Variants in MSR1 observed in about 807,000 individuals in gnomAD.
The protein encoded by MSR1 is macrophage scavenger receptor 1, also known as macrophage scavenger receptor types I and II.
Under a neutral mutation model 47.2 loss-of-function variants are expected in MSR1, and 53 were observed. The ratio of observed to expected loss-of-function variants is 1.12; its 90% CI spans 0.90 to 1.41. The LOEUF (loss-of-function observed/expected upper bound fraction) is 1.41, where lower values mean the gene tolerates loss of function less well. Among genes scored for constraint, MSR1 ranks in the 40% most tolerant of loss-of-function variants. MSR1 has a pLI of 0.00. For missense variants in MSR1, 786 were observed against 546.9 expected, an observed-to-expected ratio of 1.44 and a Z score of -4.36; for synonymous variants, 239 against 185.6, an observed-to-expected ratio of 1.29 and a Z score of -2.34.
chr8:16,111,490 T>C (rs1041795346), intron 9 of MSR1, among the ~76,000 whole-genome samples: 1 of 152,150 alleles, frequency 6.6e-6, no homozygotes, highest in African/African-American at 2.4e-5. Context: ...GTGCAGAATT[T>C]GTACAATCCA....
intron 8 of MSR1, among the ~76,000 whole-genome samples, chr8:16,129,843 G>A (rs941035650): frequency 2.6e-5 from 4 of 152,130 alleles, no homozygotes; most frequent in African/African-American, 7.2e-5. Flanking sequence ...GCCCATACAA[G>A]TCCAGTGCTT....
Position 16,141,912 on chromosome 8 carries a change from A to C in MSR1, c.1033+1646T>G, listed in dbSNP as rs1350831550. Among the ~76,000 whole-genome samples, 3 of 152,224 alleles carry C rather than the reference A, an allele frequency of 2.0e-5. No individual in the cohort carries two copies. The East Asian group carries it at 5.8e-4, about 29-fold the overall frequency. On this transcript the variant is annotated intron_variant, in intron 8 of 9. Transcript: ENST00000262101. The stretch of plus-strand genomic sequence containing the variant: ...AGCCTCAGGAAAAGGAGATAAAAAC[A>C]AAAGATAAAATAAAGGCAGAGATAA...
At chr8:16,165,371 G>A (rs1585177902) in intron 4 of MSR1, among the ~76,000 whole-genome samples, 1 of 152,052 alleles carries the variant, frequency 6.6e-6, no homozygotes, top group Non-Finnish European at 1.5e-5. Flanking sequence ...AAATTATAGT[G>A]AGGTTAAAGT....
intron 8 of MSR1, among the ~76,000 whole-genome samples, chr8:16,143,191 T>C (rs1464866502): frequency 1.3e-5 from 2 of 152,170 alleles, no homozygotes; most frequent in East Asian, 1.9e-4. Flanking sequence ...GTCCAAATTC[T>C]TATATTTAAG....
rs33988608 is a variant in MSR1 at position 16,143,548 on chromosome 8, A to G, written c.1033+10T>C. The G allele has an allele frequency of 1.8e-3, 2,852 of 1,609,550 alleles. 46 individuals carry two copies. In the African/African-American group the frequency reaches 0.031, roughly 18 times the overall value. ...GAATTCACACAGAAAACAAAATACT[A>G]TATACTTACTTAATGTGTTTCCACT... On this transcript the variant is annotated intron_variant, in intron 8 of 9. Transcript: ENST00000262101.
chr8:16,143,504 A>G, intron 8 of MSR1, 54 bp downstream of exon 8: 2 of 1,514,956 alleles, frequency 1.3e-6, no homozygotes, highest in Non-Finnish European at 1.8e-6. Context: ...CTCTAGTATC[A>G]CAGACTTACT....
Position 16,128,502 on chromosome 8 carries a change from C to T in MSR1, c.1034-7896G>A, listed in dbSNP as rs191478973. ...GAAGCCTCAGGAGAAGCCAATCCTG[C>T]CCCCAGCTTGATCATGGGCTTTTAA... On this transcript the variant is annotated intron_variant, in intron 8 of 9. Transcript: ENST00000262101. Among the ~76,000 whole-genome samples the T allele has an allele frequency of 3.0e-3, 451 of 152,150 alleles. 5 individuals carry two copies. The highest frequency in any genetic ancestry group is 9.5e-3 in the African/African-American group (396 of 41,540).
Position 16,150,310 on chromosome 8 carries a change from A to T in MSR1, c.900T>A (p.Gly300=). ...CCCGATCACCTTTAAGACCCGGAGG[A>T]CCTACATTATTAACGAAGAAAAAAA... ...SGPRGFPGPI[G]PPGLKGDRGA... Residue 300 remains glycine (G), a splice_region_variant and synonymous_variant, in exon 7 of 10, where the codon GGT becomes GGA. Transcript: ENST00000262101. The T allele has an allele frequency of 6.4e-7, 1 of 1,555,554 alleles. No individual in the cohort carries two copies. Among genetic ancestry groups the T allele is most frequent in the Middle Eastern group, 1.7e-4 (1 of 5,800 alleles).
intron 1 of MSR1, among the ~76,000 whole-genome samples, chr8:16,183,841 C>T (rs1307900090): frequency 2.9e-5 from 4 of 140,244 alleles, no homozygotes; most frequent in Admixed American, 7.5e-5. Context: ...TTTTATATAT[C>T]ATAGAATTGG....
chr8:16,175,146 C>A (rs377358105), intron 3 of MSR1, 41 bp downstream of exon 3: 8 of 1,513,910 alleles, frequency 5.3e-6, no homozygotes, highest in African/African-American at 1.4e-5. Context: ...GAATAATTCA[C>A]GGGACGAGTT....
intron 6 of MSR1, among the ~76,000 whole-genome samples, chr8:16,153,924 C>A (rs969319177): frequency 4.0e-5 from 6 of 151,828 alleles, no homozygotes; most frequent in Non-Finnish European, 5.9e-5. Flanking sequence ...TCTTTCCTGG[C>A]AAGGCATTCA....
intron 4 of MSR1, among the ~76,000 whole-genome samples, chr8:16,166,781 G>C (rs1158835227): frequency 6.6e-6 from 1 of 152,056 alleles, no homozygotes; most frequent in Non-Finnish European, 1.5e-5. Flanking sequence ...TTATGCTGGT[G>C]TCACTTATAA....
Position 16,110,020 on chromosome 8 carries a change from AG to A in MSR1, c.*64del. 1 of 1,582,194 alleles carries A rather than the reference AG, an allele frequency of 6.3e-7. No homozygotes were observed. The highest frequency in any genetic ancestry group is 8.7e-7 in the Non-Finnish European group (1 of 1,153,456). Reference sequence around the variant, plus strand: ...TAAATATTGATTAAATGGATTTTACAGGAACAAGGTAATAAAATCATTTTTG... The same window carrying A: ...TAAATATTGATTAAATGGATTTTACAGAACAAGGTAATAAAATCATTTTTG... On this transcript the variant is annotated 3_prime_UTR_variant, in exon 10 of 10. Transcript: ENST00000262101.
chr8:16,190,205 C>T (rs1011580105), intron 1 of MSR1, among the ~76,000 whole-genome samples: 29 of 152,070 alleles, frequency 1.9e-4, no homozygotes, highest in Non-Finnish European at 3.7e-4. Flanking sequence ...CCATTATTTT[C>T]ATAATTTAGC....
At chr8:16,150,441 T>C in intron 6 of MSR1, 130 bp from the exon 7 acceptor site, 1 of 374,006 alleles carries the variant, frequency 2.7e-6, no homozygotes, top group Non-Finnish European at 4.7e-6. Context: ...AATAATATCT[T>C]TCCTAAAATT....
chr8:16,190,949 G>A (rs1225511345), intron 1 of MSR1, among the ~76,000 whole-genome samples: 1 of 152,028 alleles, frequency 6.6e-6, no homozygotes, highest in African/African-American at 2.4e-5. Flanking sequence ...TTGAACTCCC[G>A]ACCTCAGGTA....
intron 9 of MSR1, among the ~76,000 whole-genome samples, chr8:16,114,622 C>T (rs188403177): frequency 6.7e-4 from 102 of 152,192 alleles, no homozygotes; most frequent in African/African-American, 2.3e-3. Context: ...GTAGATGCCC[C>T]TCAGTGCTTC....
At chr8:16,184,100 A>G (rs1200750131) in intron 1 of MSR1, among the ~76,000 whole-genome samples, 2 of 151,656 alleles carry the variant, frequency 1.3e-5, no homozygotes, top group Non-Finnish European at 2.9e-5. Context: ...AACTGAGAGC[A>G]GTTTTAATTT....
chr8:16,120,641 A>C, intron 8 of MSR1, 35 bp from the exon 9 acceptor site: 1 of 1,494,128 alleles, frequency 6.7e-7, no homozygotes, highest in South Asian at 1.2e-5. Flanking sequence ...AAAAAAAAAA[A>C]GGCAAGCAAG....
Sources: gnomAD v4.1 joint callset for allele counts (sites outside exome capture counted in the v4.1 genomes callset) on GRCh38, gnomAD v4.1.1 for gene constraint, MANE v1.5 for transcripts, NCBI Gene and HGNC (gene_info 2026-07-23, HGNC 2026-07-21) for gene names.